The following PTBP3 variants were observed in gnomAD, a reference collection of about 807,000 sequenced individuals.
PTBP3 encodes the protein polypyrimidine tract-binding protein 3.
A neutral mutation model predicts 58.7 loss-of-function variants in PTBP3; 20 were observed. That is an observed-to-expected ratio of 0.34 (90% CI 0.24 to 0.50). The LOEUF is 0.50. PTBP3 is among the 20% of genes least tolerant of loss of function. The pLI, the probability that PTBP3 is intolerant of heterozygous loss-of-function variation, is 0.98. For missense variants in PTBP3, 509 were observed against 637.2 expected (o/e 0.80, Z 2.17); for synonymous variants, 185 against 219.8 (o/e 0.84, Z 1.40).
chr9:112,228,556 A>G (rs1835080834), intron 10 of PTBP3, 84 bp from the exon 11 acceptor site: 1 of 882,270 alleles, frequency 1.1e-6, no homozygotes, highest in Non-Finnish European at 1.6e-6. Flanking sequence ...TAAAGAAGGC[A>G]TTTCTTACTC....
At chr9:112,269,513 G>A (rs1827277250) in intron 3 of PTBP3, among the ~76,000 whole-genome samples, 1 of 152,150 alleles carries the variant, frequency 6.6e-6, no homozygotes, top group Admixed American at 6.5e-5. Flanking sequence ...AGCAAGAAAT[G>A]AGAACTAGCA....
chr9:112,250,898 T>C (rs760740624), intron 7 of PTBP3, 31 bp downstream of exon 7: 1 of 1,468,174 alleles, frequency 6.8e-7, no homozygotes, highest in Admixed American at 2.5e-5. Flanking sequence ...TTCAGAAAAC[T>C]TGCTTTGTGA....
intron 7 of PTBP3, among the ~76,000 whole-genome samples, chr9:112,237,850 C>T (rs1405541206): frequency 1.3e-5 from 2 of 152,152 alleles, no homozygotes; most frequent in African/African-American, 4.8e-5. Context: ...TTGTGACCAG[C>T]AGAGAAGGGA....
the PTBP3 span, among the ~76,000 whole-genome samples, chr9:112,372,029 G>A: frequency 2.6e-3 from 397 of 152,156 alleles, 1 homozygote; most frequent in African/African-American, 9.3e-3. Flanking sequence ...GTCTTGAAGA[G>A]TTTTCTGCAT....
chr9:112,312,501 A>C (rs1536605), intron 1 of PTBP3, among the ~76,000 whole-genome samples: 2 of 67,420 alleles, frequency 3.0e-5, no homozygotes, highest in Non-Finnish European at 5.1e-5. Flanking sequence ...TTTTTTTTTT[A>C]AAAAAAAAAA....
At chr9:112,362,711 A>G in the PTBP3 span, 6 of 181,052 alleles carry the variant, frequency 3.3e-5, no homozygotes, top group East Asian at 9.5e-4. Flanking sequence ...CTTACTCACC[A>G]TCATGGCCAC....
intron 7 of PTBP3, among the ~76,000 whole-genome samples, chr9:112,248,368 A>G (rs748782400): frequency 1.6e-4 from 24 of 152,280 alleles, no homozygotes; most frequent in Non-Finnish European, 2.8e-4. Context: ...AAACACAAAA[A>G]CAGACAAAAG....
chr9:112,254,301 C>G (rs1836259960), intron 5 of PTBP3, among the ~76,000 whole-genome samples: 1 of 151,974 alleles, frequency 6.6e-6, no homozygotes, highest in South Asian at 2.1e-4. Context: ...TTTTAATTCT[C>G]AAAAAGTATG....
intron 5 of PTBP3, among the ~76,000 whole-genome samples, chr9:112,259,182 A>G (rs1332893621): frequency 1.3e-5 from 2 of 152,098 alleles, no homozygotes; most frequent in African/African-American, 2.4e-5. Flanking sequence ...TGAACACCTG[A>G]GCTCAGATGA....
Position 112,220,169 on chromosome 9 carries a change from T to C in PTBP3, c.*3682A>G. The C allele has an allele frequency of 7.5e-7, 1 of 1,330,278 alleles. No individual in the cohort carries two copies. Among genetic ancestry groups the C allele is most frequent in the South Asian group, 1.2e-5 (1 of 84,166 alleles). The allele number at this position is 1,330,278 out of a possible 1,614,324, so 82.4% of individuals were successfully genotyped here. On this transcript the variant is annotated 3_prime_UTR_variant, in exon 14 of 14. Coordinates refer to ENST00000374257, the MANE Select transcript of PTBP3 (RefSeq NM_001163788.4). ...TAGGTGGGGAAAAACACATGTACTT[T>C]TGTCAATTTTTTGTCCAAAAATATC...
At chr9:112,345,072 G>A in the PTBP3 span, among the ~76,000 whole-genome samples, 1 of 152,138 alleles carries the variant, frequency 6.6e-6, no homozygotes, top group Non-Finnish European at 1.5e-5. Context: ...GGCGGAGGTT[G>A]CGGTGAGCCG....
chr9:112,290,149 T>C (rs933373085), intron 2 of PTBP3, among the ~76,000 whole-genome samples: 8 of 152,180 alleles, frequency 5.3e-5, no homozygotes, highest in Middle Eastern at 3.2e-3. Context: ...AGAGGGTATC[T>C]GCATACACGT....
At chr9:112,283,773 G>C (rs1023810028) in intron 2 of PTBP3, among the ~76,000 whole-genome samples, 4 of 152,356 alleles carry the variant, frequency 2.6e-5, no homozygotes, top group African/African-American at 4.8e-5. Context: ...AGGCCTAAGA[G>C]AAAACAACGG....
chr9:112,232,004 GAGAAGAGAAGAGAAGAAAAGA>G lies in PTBP3; in HGVS notation c.1020+74_1020+94del, dbSNP rs1299174202. Reference sequence around the variant, plus strand: ...GAGAAGAGAAGAGAAGAGAAGAGAAGAGAAGAGAAGAGAAGAAAAGAAAAGAAAGAAAGAAAAAAGTGCTAC... The same window carrying G: ...GAGAAGAGAAGAGAAGAGAAGAGAAGAAAGAAAGAAAGAAAAAAGTGCTAC... On this transcript the variant is annotated intron_variant, in intron 9 of 13. Coordinates refer to ENST00000374257, the MANE Select transcript of PTBP3 (RefSeq NM_001163788.4). 3,572 of 592,210 alleles carry G rather than the reference GAGAAGAGAAGAGAAGAAAAGA, an allele frequency of 6.0e-3. 224 individuals carry two copies. The African/African-American group carries it at 0.15, about 25-fold the overall frequency. 36.7% of individuals were successfully genotyped at this position (592,210 alleles called of 1,614,324 possible). A position where few individuals can be genotyped will look rare whatever the true frequency, so the allele number is the denominator to read the frequency against.
chr9:112,314,191 A>G (rs756686232), intron 1 of PTBP3, among the ~76,000 whole-genome samples: 26 of 152,238 alleles, frequency 1.7e-4, no homozygotes, highest in Non-Finnish European at 3.2e-4. Flanking sequence ...TCTCCCAAGG[A>G]CAAGAGGGAC....
rs185494730 is a variant in PTBP3, at chr9:112,270,239, C to T, written c.205-2044G>A. On this transcript the variant is annotated intron_variant, in intron 3 of 13. Coordinates refer to ENST00000374257, the MANE Select transcript of PTBP3 (RefSeq NM_001163788.4). The stretch of plus-strand genomic sequence containing the variant: ...TTACAGGCGTCACCAAATCCTTCTC[C>T]GTACTCAATGTTTCAAATGCTTCCA... Among the ~76,000 whole-genome samples the T allele has an allele frequency of 4.3e-4, 66 of 152,176 alleles. No homozygotes were observed. In the East Asian group the frequency reaches 0.011, roughly 25 times the overall value.
chr9:112,268,645 G>A (rs772933752), intron 3 of PTBP3, among the ~76,000 whole-genome samples: 2 of 148,708 alleles, frequency 1.3e-5, no homozygotes, highest in Non-Finnish European at 3.0e-5. Context: ...CTGGGAGGTT[G>A]AGGGTGCAGT....
intron 1 of PTBP3, chr9:112,333,043 T>C: frequency 7.9e-7 from 1 of 1,262,006 alleles, no homozygotes; most frequent in Non-Finnish European, 1.0e-6. Context: ...AAACAGCAAC[T>C]CCCCCGGCAG....
intron 1 of PTBP3, among the ~76,000 whole-genome samples, chr9:112,321,254 G>A (rs772596796): frequency 2.8e-4 from 43 of 152,104 alleles, no homozygotes; most frequent in Admixed American, 7.2e-4. Flanking sequence ...AAAACTGGCC[G>A]GGCATGGTGG....
Sources: allele counts gnomAD v4.1 joint callset (sites outside exome capture counted in the v4.1 genomes callset), GRCh38; gene constraint gnomAD v4.1.1; transcripts MANE v1.5; gene names NCBI Gene and HGNC (gene_info 2026-07-23, HGNC 2026-07-21).